The following CPEB1 variants were observed in gnomAD, a reference collection of about 807,000 sequenced individuals.
CPEB1 encodes cytoplasmic polyadenylation element binding protein 1.
In CPEB1, 7 loss-of-function variants were observed where a neutral mutation model predicts 65.8. The ratio of observed to expected loss-of-function variants is 0.11; its 90% confidence interval spans 0.06 to 0.20. The LOEUF (loss-of-function observed/expected upper bound fraction) is 0.20, where lower values mean the gene tolerates loss of function less well. Among genes scored for constraint, CPEB1 ranks in the 10% least tolerant of loss-of-function variants. The probability of loss-of-function intolerance (pLI) is 1.00; values close to 1 mark genes in which losing one functional copy is unlikely to be tolerated. For synonymous variants in CPEB1, 262 were observed against 260.0 expected (o/e 1.01, Z -0.08); for missense variants, 551 against 712.2 (o/e 0.77, Z 2.58).
intron 1 of CPEB1, among the ~76,000 whole-genome samples, chr15:82,645,319 A>G (rs2047413850): frequency 1.3e-5 from 2 of 151,976 alleles, no homozygotes; most frequent in Non-Finnish European, 2.9e-5. Context: ...TGCCCGGCTA[A>G]TTTTTGTATT....
In CPEB1 at chr15:82,594,979, T is replaced by A. The variant is rs142014438; in HGVS notation, c.272-23447A>T. Among the ~76,000 whole-genome samples, 6 of 152,230 alleles carry A rather than the reference T, an allele frequency of 3.9e-5. No individual in the cohort carries two copies. In the East Asian group the frequency reaches 7.7e-4, roughly 20 times the overall value. ...ATGGTTTGTGGCATGCCAAAACAAT[T>A]ACAATAGCAGCAAAGCAACAGTAAA... On this transcript the variant is annotated intron_variant, in intron 3 of 12. Transcript: ENST00000684509.
In CPEB1 at chr15:82,557,949, T is replaced by C; in HGVS notation, c.498A>G (p.Leu166=). 3 of 1,613,426 alleles carry C rather than the reference T, an allele frequency of 1.9e-6. No individual in the cohort carries two copies. Among genetic ancestry groups the C allele is most frequent in the Non-Finnish European group, 2.5e-6 (3 of 1,179,666 alleles). Residue 166 remains leucine (L), a synonymous_variant, in exon 5 of 13, where the codon CTA becomes CTG. Coordinates refer to ENST00000684509, the MANE Select transcript of CPEB1 (RefSeq NM_001365242.1). ...GCAGGAAGCTCAAGGGGGGTTTTCC[T>C]AGGACATTTCCCAGTGGGTTATGGA... ...SMLHNPLGNV[L]GKPPLSFLPL... is the part of the protein sequence containing the mutation.
rs536724338 is a variant in CPEB1, at chr15:82,593,058, T to C, written c.272-21526A>G. On this transcript the variant is annotated intron_variant, in intron 3 of 12. Coordinates refer to ENST00000684509, the MANE Select transcript of CPEB1 (RefSeq NM_001365242.1). Reference sequence around the variant, plus strand: ...CTTCAGTGAGTCATAATCTTATTGCTGGTGGAGGGGTCTTGCCTCAATGTG... The same window carrying C: ...CTTCAGTGAGTCATAATCTTATTGCCGGTGGAGGGGTCTTGCCTCAATGTG... Among the ~76,000 whole-genome samples, 6 of 152,306 alleles carry C rather than the reference T, an allele frequency of 3.9e-5. No individual in the cohort carries two copies. The East Asian group carries it at 9.6e-4, about 24-fold the overall frequency.
intron 3 of CPEB1, among the ~76,000 whole-genome samples, chr15:82,618,024 T>C (rs997069258): frequency 6.6e-6 from 1 of 152,122 alleles, no homozygotes; most frequent in African/African-American, 2.4e-5. Flanking sequence ...AAGTTTTTAA[T>C]TTTATTAACT....
chr15:82,543,456 C>CTT lies in CPEB1; in HGVS notation c.*1134_*1135dup, dbSNP rs1555451798. On this transcript the variant is annotated 3_prime_UTR_variant, in exon 13 of 13. Coordinates refer to ENST00000684509, the MANE Select transcript of CPEB1 (RefSeq NM_001365242.1). ...AGTAGTTTTTGTGGGTTTTTTGTTT[C>CTT]TTTTTAAAAAAAAAAAAAAAAAAAA... The CTT allele has an allele frequency of 0.014, 1,598 of 112,778 alleles. 31 individuals carry two copies. The highest frequency in any genetic ancestry group is 0.019 in the African/African-American group (556 of 28,596). 7.0% of individuals were successfully genotyped at this position (112,778 alleles called of 1,614,324 possible). A position where few individuals can be genotyped will look rare whatever the true frequency, so the allele number is the denominator to read the frequency against.
rs1475041592 is a variant in CPEB1, at chr15:82,571,675, T to C, written c.272-143A>G. On this transcript the variant is annotated intron_variant, in intron 3 of 12. Coordinates refer to ENST00000684509, the MANE Select transcript of CPEB1 (RefSeq NM_001365242.1). ...CTGGCTGGATGCTGCAGCCGCTGCC[T>C]CTGCACTTTTGGGGACGCTGGGGCA... 3 of 1,444,056 alleles carry C rather than the reference T, an allele frequency of 2.1e-6. No individual in the cohort carries two copies. In the East Asian group the frequency reaches 7.5e-5, roughly 36 times the overall value. The allele number at this position is 1,444,056 out of a possible 1,614,324, so 89.5% of individuals were successfully genotyped here.
At chr15:82,636,465 G>A (rs1449389222) in intron 1 of CPEB1, among the ~76,000 whole-genome samples, 2 of 152,116 alleles carry the variant, frequency 1.3e-5, no homozygotes, top group Non-Finnish European at 2.9e-5. Flanking sequence ...ATTTTTCATA[G>A]GGTACATCTA....
intron 1 of CPEB1, among the ~76,000 whole-genome samples, chr15:82,634,936 C>T (rs1193986777): frequency 6.6e-6 from 1 of 152,208 alleles, no homozygotes; most frequent in Non-Finnish European, 1.5e-5. Flanking sequence ...TCACCACAAC[C>T]TCCACCTCCT....
upstream of CPEB1, chr15:82,647,394 TCCCGC>T (rs1483548242): frequency 1.9e-5 from 3 of 154,178 alleles, no homozygotes; most frequent in Non-Finnish European, 2.9e-5. Context: ...CCCCGCCCCG[TCCCGC>T]CCGGGCGCCC....
At chr15:82,571,830 T>C (rs2040077119) in intron 3 of CPEB1, 7 of 1,181,310 alleles carry the variant, frequency 5.9e-6, no homozygotes, top group East Asian at 4.5e-5. Context: ...GGCTGAGCCG[T>C]GCAATAGAGA....
At position 82,597,950 on chromosome 15, in the gene CPEB1, T is replaced by C. The variant is rs571802497; in HGVS notation, c.272-26418A>G. 5.3e-5 allele frequency among the ~76,000 whole-genome samples: 8 copies of C among 152,314 alleles called. No individual in the cohort carries two copies. In the East Asian group the frequency reaches 9.7e-4, roughly 18 times the overall value. On this transcript the variant is annotated intron_variant, in intron 3 of 12. Coordinates refer to ENST00000684509, the MANE Select transcript of CPEB1 (RefSeq NM_001365242.1). The stretch of plus-strand genomic sequence containing the variant: ...AGAGGTGTATAAAAGGAGTTACCTA[T>C]AGGACTATTGACAATGACTGAGTTG...
At chr15:82,593,395 G>A (rs528364125) in intron 3 of CPEB1, among the ~76,000 whole-genome samples, 1 of 152,298 alleles carries the variant, frequency 6.6e-6, no homozygotes, top group African/African-American at 2.4e-5. Context: ...CCATTCATCT[G>A]TAAGAAGCAA....
chr15:82,559,921 T>C (rs2037901215), intron 4 of CPEB1, among the ~76,000 whole-genome samples: 1 of 152,108 alleles, frequency 6.6e-6, no homozygotes, highest in African/African-American at 2.4e-5. Flanking sequence ...CCGTCTCTAC[T>C]GAAAATACAA....
At chr15:82,628,655 C>T (rs567398907) in intron 1 of CPEB1, 99 bp from the exon 2 acceptor site, 69 of 576,960 alleles carry the variant, frequency 1.2e-4, no homozygotes, top group African/African-American at 1.2e-3. Context: ...TGTAAAGTTA[C>T]ACTGACTGTG....
intron 3 of CPEB1, among the ~76,000 whole-genome samples, chr15:82,588,069 A>G (rs1285037832): frequency 6.6e-6 from 1 of 151,842 alleles, no homozygotes; most frequent in Non-Finnish European, 1.5e-5. Context: ...CTACAGGCAC[A>G]TGCCACCACA....
chr15:82,627,632 G>A (rs1032727370), intron 2 of CPEB1, among the ~76,000 whole-genome samples: 3 of 152,186 alleles, frequency 2.0e-5, no homozygotes, highest in African/African-American at 7.2e-5. Flanking sequence ...GCAAAAAGGG[G>A]TAGGCTAACT....
At chr15:82,604,305 A>G (rs1441330402) in intron 3 of CPEB1, among the ~76,000 whole-genome samples, 2 of 152,214 alleles carry the variant, frequency 1.3e-5, no homozygotes, top group Non-Finnish European at 2.9e-5. Context: ...AACAGGGTGA[A>G]ACCCTGTCTC....
chr15:82,609,434 G>A (rs749713494), intron 3 of CPEB1, among the ~76,000 whole-genome samples: 9 of 151,936 alleles, frequency 5.9e-5, no homozygotes, highest in African/African-American at 1.5e-4. Flanking sequence ...CTGGGAGGTC[G>A]CGGCTGCAGT....
chr15:82,628,596 A>T, intron 1 of CPEB1, 40 bp from the exon 2 acceptor site: 1 of 600,524 alleles, frequency 1.7e-6, no homozygotes. Context: ...ACCACATAGA[A>T]ACATTTTTAC....
Sources: allele counts gnomAD v4.1 joint callset (sites outside exome capture counted in the v4.1 genomes callset), GRCh38; gene constraint gnomAD v4.1.1; transcripts MANE v1.5; gene names NCBI Gene and HGNC (gene_info 2026-07-23, HGNC 2026-07-21).